Variants in SH2D4A observed in about 807,000 individuals in gnomAD.
The protein encoded by SH2D4A is SH2 domain containing 4A, also known as SH2 domain-containing protein 4A.
SH2D4A carries 70 observed loss-of-function variants against 64.7 expected under a neutral mutation model. The ratio of observed to expected loss-of-function variants is 1.08; its 90% confidence interval spans 0.89 to 1.32. The LOEUF (loss-of-function observed/expected upper bound fraction) is 1.32. SH2D4A is among the 40% of genes most tolerant of loss of function. SH2D4A has a pLI of 0.00. For missense variants in SH2D4A, 706 were observed against 540.1 expected (o/e 1.31, Z -3.04); for synonymous variants, 268 against 200.7 (o/e 1.34, Z -2.83).
At chr8:19,365,317 A>T (rs1470031249) in intron 7 of SH2D4A, among the ~76,000 whole-genome samples, 1 of 152,174 alleles carries the variant, frequency 6.6e-6, no homozygotes, top group Non-Finnish European at 1.5e-5. Flanking sequence ...CAGTGGAGTA[A>T]GTGGAAATAA....
rs112423361 is a variant in SH2D4A, at chr8:19,319,524, A to G, written c.-24A>G. 2,079 of 1,470,778 alleles carry G rather than the reference A, an allele frequency of 1.4e-3. 28 individuals carry two copies. In the African/African-American group the frequency reaches 0.027, roughly 19 times the overall value. The allele number at this position is 1,470,778 out of a possible 1,614,324, so 91.1% of individuals were successfully genotyped here. On this transcript the variant is annotated 5_prime_UTR_variant, in exon 2 of 10. Coordinates refer to ENST00000265807, the MANE Select transcript of SH2D4A (RefSeq NM_022071.4). The stretch of plus-strand genomic sequence containing the variant: ...AGTTTCAGGAACTTTTGCCACAAGT[A>G]TAAAAGACTTCAGAAGTGCAAAGAT...
chr8:19,378,775 G>A (rs1475188926), intron 8 of SH2D4A, among the ~76,000 whole-genome samples: 2 of 151,940 alleles, frequency 1.3e-5, no homozygotes, highest in African/African-American at 4.8e-5. Context: ...GTCATGTGTG[G>A]TGGCTCCCAT....
chr8:19,364,398 C>T, intron 7 of SH2D4A, 116 bp downstream of exon 7: 1 of 1,136,142 alleles, frequency 8.8e-7, no homozygotes, highest in Non-Finnish European at 1.3e-6. Flanking sequence ...CAACTGGCAG[C>T]CTGTGTAAGT....
At chr8:19,373,147 C>G (rs894527914) in intron 7 of SH2D4A, among the ~76,000 whole-genome samples, 1 of 152,010 alleles carries the variant, frequency 6.6e-6, no homozygotes, top group Non-Finnish European at 1.5e-5. Context: ...TGGCTCATTT[C>G]TATAACTAGC....
intron 4 of SH2D4A, among the ~76,000 whole-genome samples, chr8:19,345,829 A>G (rs967975989): frequency 1.3e-5 from 2 of 152,198 alleles, no homozygotes; most frequent in Non-Finnish European, 2.9e-5. Flanking sequence ...GCTTCATTCA[A>G]GGAGATCCCT....
intron 8 of SH2D4A, among the ~76,000 whole-genome samples, chr8:19,377,927 C>G (rs573913805): frequency 6.6e-6 from 1 of 152,258 alleles, no homozygotes; most frequent in East Asian, 1.9e-4. Flanking sequence ...TATACTCCTA[C>G]CAGCTGTACT....
At chr8:19,355,214 T>G (rs1478734727) in intron 4 of SH2D4A, among the ~76,000 whole-genome samples, 2 of 152,164 alleles carry the variant, frequency 1.3e-5, no homozygotes, top group African/African-American at 4.8e-5. Flanking sequence ...ACATCCTTTT[T>G]GCAAAACGGT....
chr8:19,323,952 A>T (rs540780108), intron 2 of SH2D4A, among the ~76,000 whole-genome samples: 1 of 152,338 alleles, frequency 6.6e-6, no homozygotes, highest in South Asian at 2.1e-4. Context: ...CACAGCTGGA[A>T]TAGATCCTGG....
chr8:19,382,426 C>G (rs2053310044), intron 8 of SH2D4A, among the ~76,000 whole-genome samples: 1 of 152,152 alleles, frequency 6.6e-6, no homozygotes, highest in Non-Finnish European at 1.5e-5. Flanking sequence ...AAAAACCATA[C>G]TTCAAGTACC....
At chr8:19,393,168 A>G in intron 8 of SH2D4A, 150 bp from the exon 9 acceptor site, 1 of 670,740 alleles carries the variant, frequency 1.5e-6, no homozygotes, top group East Asian at 2.7e-5. Flanking sequence ...AATATTCCGT[A>G]TTCCTAAGAA....
rs1410701379 is a variant in SH2D4A, at chr8:19,361,508, CATTT to C, written c.706+199_706+202del. Among the ~76,000 whole-genome samples, 10 of 152,282 alleles carry C rather than the reference CATTT, an allele frequency of 6.6e-5. No individual in the cohort carries two copies. The Middle Eastern group carries it at 0.014, about 207-fold the overall frequency. On this transcript the variant is annotated intron_variant, in intron 6 of 9. Coordinates refer to ENST00000265807, the MANE Select transcript of SH2D4A (RefSeq NM_022071.4). ...ACTTTTGAACAGCAGACTCGTTCTC[CATTT>C]ATTTCTGTATCACCAAAATTATGAT...
At chr8:19,325,550 G>A (rs769805066) in intron 2 of SH2D4A, among the ~76,000 whole-genome samples, 15 of 152,120 alleles carry the variant, frequency 9.9e-5, no homozygotes, top group Middle Eastern at 3.2e-3. Context: ...TCCTAGCTGC[G>A]TGGCGAACAT....
chr8:19,350,880 T>C (rs2052693280), intron 4 of SH2D4A, among the ~76,000 whole-genome samples: 1 of 152,204 alleles, frequency 6.6e-6, no homozygotes, highest in Admixed American at 6.5e-5. Flanking sequence ...TGCGTGGATT[T>C]TGCTTGGAAC....
intron 8 of SH2D4A, among the ~76,000 whole-genome samples, chr8:19,378,221 T>C (rs2153650734): frequency 6.6e-6 from 1 of 152,356 alleles, no homozygotes; most frequent in African/African-American, 2.4e-5. Context: ...TCCTAGTTTG[T>C]GACTTGTCTT....
chr8:19,377,599 C>G (rs2053217317), intron 8 of SH2D4A, among the ~76,000 whole-genome samples: 1 of 152,038 alleles, frequency 6.6e-6, no homozygotes, highest in African/African-American at 2.4e-5. Context: ...CAACATTGTT[C>G]CTGGGATTTG....
At chr8:19,341,810 C>G (rs1220887520) in intron 4 of SH2D4A, among the ~76,000 whole-genome samples, 2 of 145,664 alleles carry the variant, frequency 1.4e-5, no homozygotes, top group East Asian at 2.0e-4. Flanking sequence ...CTACCCAACT[C>G]TAGCCCGGGT....
At chr8:19,368,272 T>C (rs1368444333) in intron 7 of SH2D4A, among the ~76,000 whole-genome samples, 1 of 152,326 alleles carries the variant, frequency 6.6e-6, no homozygotes, top group East Asian at 1.9e-4. Flanking sequence ...TTGTAGTATA[T>C]TTTAAAGTCA....
Position 19,393,510 on chromosome 8 carries a change from C to T in SH2D4A, c.1241C>T (p.Ala414Val). Reference protein sequence around the residue: ...SFLGVDQLQHATLADLVEYHK... With the variant: ...SFLGVDQLQHVTLADLVEYHK... Reference sequence around the variant, plus strand: ...CTGGGCGTGGACCAGCTACAGCATGCCACCTTGGCGGATTTGGTGGAATAT... The same window carrying T: ...CTGGGCGTGGACCAGCTACAGCATGTCACCTTGGCGGATTTGGTGGAATAT... The change falls in exon 9 of 10, where the codon GCC becomes GTC. Residue 414 changes from alanine (A) to valine (V), a missense_variant. Physicochemically the swap from Ala to Val is moderately conservative, Grantham distance 64 (BLOSUM62 0). Coordinates refer to ENST00000265807, the MANE Select transcript of SH2D4A (RefSeq NM_022071.4). The T allele has an allele frequency of 6.2e-7, 1 of 1,614,198 alleles. No individual in the cohort carries two copies. The highest frequency in any genetic ancestry group is 8.5e-7 in the Non-Finnish European group (1 of 1,180,032).
chr8:19,368,588 T>A (rs914586325), intron 7 of SH2D4A, among the ~76,000 whole-genome samples: 2 of 151,122 alleles, frequency 1.3e-5, no homozygotes, highest in African/African-American at 4.9e-5. Flanking sequence ...GTTATTTTAT[T>A]TTATTTTATT....
Sources: gnomAD v4.1 joint callset for allele counts (sites outside exome capture counted in the v4.1 genomes callset) on GRCh38, gnomAD v4.1.1 for gene constraint, MANE v1.5 for transcripts, NCBI Gene and HGNC (gene_info 2026-07-23, HGNC 2026-07-21) for gene names.